Variants in GMPS observed in about 807,000 individuals in gnomAD.
GMPS encodes guanosine monophosphate synthase, also known as GMP synthase [glutamine-hydrolyzing].
In GMPS, 15 loss-of-function variants were observed where a neutral mutation model predicts 77.9. The ratio of observed to expected loss-of-function variants is 0.19; its 90% CI spans 0.13 to 0.30. The LOEUF (loss-of-function observed/expected upper bound fraction) is 0.30. Ranked by LOEUF, GMPS falls within the 10% of genes least tolerant of loss-of-function variation. The probability of loss-of-function intolerance (pLI) is 1.00; values close to 1 mark genes in which losing one functional copy is unlikely to be tolerated. For synonymous variants in GMPS, 224 were observed against 275.9 expected (o/e 0.81, Z 1.86); for missense variants, 590 against 838.8 (o/e 0.70, Z 3.66).
chr3:155,884,403 GA>G (rs936558047), intron 1 of GMPS, among the ~76,000 whole-genome samples: 10 of 146,736 alleles, frequency 6.8e-5, no homozygotes, highest in African/African-American at 2.2e-4. Flanking sequence ...AAAAAAAAAA[GA>G]AAAAAAAATC....
At chr3:155,916,397 A>C (rs1577524645) in intron 9 of GMPS, among the ~76,000 whole-genome samples, 1 of 149,090 alleles carries the variant, frequency 6.7e-6, no homozygotes, top group Non-Finnish European at 1.5e-5. Flanking sequence ...TCCTGCCCCC[A>C]CCCCCCAGCT....
Position 155,911,839 on chromosome 3 carries a change from CAAAA to C in GMPS, c.886+573_886+576del, listed in dbSNP as rs200105245. ...GGGCAACAAGAGCGAAACTCCATCT[CAAAA>C]AAAAAAAAAAAAGAAATTATCTTTT... is the stretch of plus-strand genomic sequence containing the variant. On this transcript the variant is annotated intron_variant, in intron 7 of 15. Transcript: ENST00000496455. Among the ~76,000 whole-genome samples the C allele has an allele frequency of 5.3e-4, 40 of 75,792 alleles. 1 individual carries two copies. The highest frequency in any genetic ancestry group is 2.5e-4 in the Non-Finnish European group (9 of 35,904). 49.7% of individuals were successfully genotyped at this position (75,792 alleles called of 152,430 possible). A position where few individuals can be genotyped will look rare whatever the true frequency, so the allele number is the denominator to read the frequency against.
chr3:155,894,089 G>A (rs1166871810), intron 2 of GMPS, among the ~76,000 whole-genome samples: 2 of 152,184 alleles, frequency 1.3e-5, no homozygotes, highest in Admixed American at 1.3e-4. Context: ...TATCCCAATA[G>A]ACTAGTTTCT....
At chr3:155,885,921 A>G (rs1754323317) in intron 1 of GMPS, among the ~76,000 whole-genome samples, 1 of 152,092 alleles carries the variant, frequency 6.6e-6, no homozygotes, top group African/African-American at 2.4e-5. Flanking sequence ...CATGGGTTCA[A>G]GTGATTCTAG....
intron 14 of GMPS, among the ~76,000 whole-genome samples, chr3:155,935,373 A>G (rs1177048888): frequency 1.3e-5 from 2 of 152,030 alleles, no homozygotes; most frequent in South Asian, 2.1e-4. Context: ...TAGTAGAGAT[A>G]GGGTTTTGCC....
In GMPS at chr3:155,941,512, C is replaced by T; in HGVS notation, c.*3820C>T. ...TTACAGTGAGTTTCTAGAGATAGCC[C>T]TGTCTTTCAGAAATTCTCTGACATC... On this transcript the variant is annotated 3_prime_UTR_variant, in exon 16 of 16. Transcript: ENST00000496455. 4.6e-6 allele frequency: 1 copy of T among 218,240 alleles called. No individual in the cohort carries two copies. Among genetic ancestry groups the T allele is most frequent in the Non-Finnish European group, 9.2e-6 (1 of 108,652 alleles). 13.5% of individuals were successfully genotyped at this position (218,240 alleles called of 1,614,324 possible).
At chr3:155,880,149 A>G (rs1754177967) in intron 1 of GMPS, among the ~76,000 whole-genome samples, 1 of 152,146 alleles carries the variant, frequency 6.6e-6, no homozygotes, top group Admixed American at 6.5e-5. Context: ...GGCCTCATTC[A>G]ATACATATCA....
intron 15 of GMPS, among the ~76,000 whole-genome samples, chr3:155,937,002 G>T (rs1755781200): frequency 6.6e-6 from 1 of 152,166 alleles, no homozygotes; most frequent in African/African-American, 2.4e-5. Flanking sequence ...GACTCTATTA[G>T]TTGGGCCACT....
At chr3:155,926,413 A>C (rs962158648) in intron 12 of GMPS, among the ~76,000 whole-genome samples, 1 of 152,110 alleles carries the variant, frequency 6.6e-6, no homozygotes, top group Non-Finnish European at 1.5e-5. Context: ...GGTTAAATGG[A>C]GACACTAGAA....
In GMPS at chr3:155,870,770, G is replaced by A. The variant is rs866691287; in HGVS notation, c.-101G>A. On this transcript the variant is annotated 5_prime_UTR_variant, in exon 1 of 16. Coordinates refer to ENST00000496455, the MANE Select transcript of GMPS (RefSeq NM_003875.3). Reference sequence around the variant, plus strand: ...CCGCTGCCGGCTGCTCCTCGACCAGGCCTCCTTCTCAACCTCAGCCCGCGG... The same window carrying A: ...CCGCTGCCGGCTGCTCCTCGACCAGACCTCCTTCTCAACCTCAGCCCGCGG... The A allele has an allele frequency of 2.6e-6, 2 of 755,620 alleles. No homozygotes were observed. The highest frequency in any genetic ancestry group is 1.6e-5 in the South Asian group (1 of 63,546). 46.8% of individuals were successfully genotyped at this position (755,620 alleles called of 1,614,324 possible). A position where few individuals can be genotyped will look rare whatever the true frequency, so the allele number is the denominator to read the frequency against.
chr3:155,930,918 G>T (rs147910213), intron 12 of GMPS, among the ~76,000 whole-genome samples: 3 of 152,202 alleles, frequency 2.0e-5, no homozygotes, highest in Admixed American at 1.3e-4. Context: ...ACCTCGTTGG[G>T]CTCAGGTGAT....
intron 9 of GMPS, among the ~76,000 whole-genome samples, chr3:155,916,566 A>G (rs930770357): frequency 6.6e-6 from 1 of 152,194 alleles, no homozygotes; most frequent in East Asian, 1.9e-4. Context: ...AATGTTTTCA[A>G]GGTTCATCCA....
rs976056492 is a variant in GMPS at position 155,870,992 on chromosome 3, C to T, written c.27+95C>T. 4 of 1,162,082 alleles carry T rather than the reference C, an allele frequency of 3.4e-6. No individual in the cohort carries two copies. The African/African-American group carries it at 4.8e-5, about 14-fold the overall frequency. 72.0% of individuals were successfully genotyped at this position (1,162,082 alleles called of 1,614,324 possible). The stretch of plus-strand genomic sequence containing the variant: ...GCGAGGCCCTTCCCCACCCCCTTCC[C>T]CCAGCCCGTCCGCGCAGCCCTGCGC... On this transcript the variant is annotated intron_variant, in intron 1 of 15. Transcript: ENST00000496455.
At chr3:155,921,075 C>G (rs1300074125) in intron 10 of GMPS, among the ~76,000 whole-genome samples, 1 of 152,128 alleles carries the variant, frequency 6.6e-6, no homozygotes, top group Non-Finnish European at 1.5e-5. Flanking sequence ...AACCCGATCT[C>G]TACTAAAAAT....
Position 155,885,028 on chromosome 3 carries a change from GAGGTACAAACTGGTTCAGT to G in GMPS, c.28-8489_28-8471del, listed in dbSNP as rs1754304065. On this transcript the variant is annotated intron_variant, in intron 1 of 15. Coordinates refer to ENST00000496455, the MANE Select transcript of GMPS (RefSeq NM_003875.3). ...GCAAAAGAAGATGAAGCTGCAGTCA[GAGGTACAAACTGGTTCAGT>G]TAAGGAGGAAAAATAATTGAATTTG... 3.3e-5 allele frequency among the ~76,000 whole-genome samples: 5 copies of G among 152,332 alleles called. No individual in the cohort carries two copies. In the South Asian group the frequency reaches 1.0e-3, roughly 32 times the overall value.
intron 12 of GMPS, 57 bp from the exon 13 acceptor site, chr3:155,931,708 G>A: frequency 3.4e-6 from 2 of 593,638 alleles, no homozygotes; most frequent in Admixed American, 2.8e-5. Flanking sequence ...GCTTTGTCAA[G>A]TTAAACTGGT....
At chr3:155,872,962 C>T (rs1444116389) in intron 1 of GMPS, among the ~76,000 whole-genome samples, 1 of 152,136 alleles carries the variant, frequency 6.6e-6, no homozygotes, top group Admixed American at 6.6e-5. Context: ...TACCTTATAT[C>T]ACCTACTTTA....
At chr3:155,920,779 C>T (rs1230164752) in intron 10 of GMPS, among the ~76,000 whole-genome samples, 1 of 152,036 alleles carries the variant, frequency 6.6e-6, no homozygotes, top group Non-Finnish European at 1.5e-5. Context: ...CTTAAGTATG[C>T]TGTTTATTCT....
chr3:155,900,669 T>G (rs911453158), intron 3 of GMPS, among the ~76,000 whole-genome samples: 11 of 152,192 alleles, frequency 7.2e-5, no homozygotes, highest in African/African-American at 2.7e-4. Flanking sequence ...TGTCATTCAC[T>G]AGGATGTTTT....
Sources: gnomAD v4.1 joint callset for allele counts (sites outside exome capture counted in the v4.1 genomes callset) on GRCh38, gnomAD v4.1.1 for gene constraint, MANE v1.5 for transcripts, NCBI Gene and HGNC (gene_info 2026-07-23, HGNC 2026-07-21) for gene names.